The following SMTN variants were observed in gnomAD, a reference collection of about 807,000 sequenced individuals.
The protein encoded by SMTN is smoothelin.
SMTN carries 58 observed loss-of-function variants against 102.0 expected under a neutral mutation model. The ratio of observed to expected loss-of-function variants is 0.57; its 90% CI spans 0.46 to 0.71. SMTN has a LOEUF of 0.71. Among genes scored for constraint, SMTN ranks in the 30% least tolerant of loss-of-function variants. The pLI is 0.00. For synonymous variants in SMTN, 478 were observed against 497.9 expected (o/e 0.96, Z 0.53); for missense variants, 1,185 against 1,241.7 (o/e 0.95, Z 0.69).
chr22:31,085,007 G>A, intron 2 of SMTN: 1 of 1,491,070 alleles, frequency 6.7e-7, no homozygotes, highest in East Asian at 2.6e-5. Context: ...GCGTCTGGCC[G>A]ATTTGGGGAC....
chr22:31,091,873 C>T, intron 11 of SMTN, 26 bp downstream of exon 11: 6 of 1,536,216 alleles, frequency 3.9e-6, no homozygotes, highest in Non-Finnish European at 5.3e-6. Context: ...CCCCACCAGC[C>T]TCACCATCCG....
intron 11 of SMTN, chr22:31,092,415 G>A (rs553046049): frequency 6.4e-6 from 3 of 467,730 alleles, no homozygotes; most frequent in Non-Finnish European, 4.5e-6. Flanking sequence ...AGCCTAGCAG[G>A]TGCCTTGGGA....
intron 2 of SMTN, among the ~76,000 whole-genome samples, chr22:31,086,749 T>C (rs1293739880): frequency 6.6e-6 from 1 of 152,228 alleles, no homozygotes; most frequent in Non-Finnish European, 1.5e-5. Flanking sequence ...GGTCTTCTCA[T>C]AATTCCTCAG....
chr22:31,098,806 A>G lies in SMTN; in HGVS notation c.2299A>G (p.Met767Val), dbSNP rs560404501. ...CTCAGCCTCCCAGGCGCGCAAGGCC[A>G]TGATTGAGAAGCTGGAGAAGGAGGG... ...KTSASQARKA[M>V]IEKLEKEGAA... is the part of the protein sequence containing the mutation. The change falls in exon 17 of 21, where the codon ATG becomes GTG. Residue 767 changes from methionine (M) to valine (V), a missense_variant. By Grantham distance (21) the Met-to-Val change is conservative. Around this residue, in one of 2 missense-constraint regions of SMTN, gnomAD observed 1,096 missense variants for 1,112.7 expected, o/e 0.98. Transcript: ENST00000333137. 1.6e-5 allele frequency: 26 copies of G among 1,612,054 alleles called. No homozygotes were observed. In the East Asian group the frequency reaches 5.6e-4, roughly 35 times the overall value.
At chr22:31,093,592 G>C in intron 11 of SMTN, 1 of 750,400 alleles carries the variant, frequency 1.3e-6, no homozygotes, top group Non-Finnish European at 2.5e-6. Context: ...AGCCACCGTG[G>C]AGCCGGTGGC....
chr22:31,101,448 G>C (rs1288110626), intron 20 of SMTN: 1 of 169,320 alleles, frequency 5.9e-6, no homozygotes, highest in African/African-American at 2.4e-5. Context: ...AGGAAGGGAA[G>C]AAACTTGAGT....
Position 31,091,061 on chromosome 22 carries a change from GCT to G in SMTN, c.1040_1041del (p.Leu347ProfsTer41). On this transcript the variant is annotated frameshift_variant, in exon 10 of 21. Transcript: ENST00000333137. LOFTEE classifies it high-confidence loss of function. Reference sequence around the variant, plus strand: ...CATCTGATTCTCCTATGGCTGCTAGGCTCCAGGATGGCACACCCCAGGCTGCC... The same window carrying G: ...CATCTGATTCTCCTATGGCTGCTAGGCCAGGATGGCACACCCCAGGCTGCC... Reference protein sequence around the residue: ...FTSDSPMAARLQDGTPQAALS... With the variant: ...FTSDSPMAARXQDGTPQAALS... 1 of 1,614,016 alleles carries G rather than the reference GCT, an allele frequency of 6.2e-7. No homozygotes were observed. Among genetic ancestry groups the G allele is most frequent in the Non-Finnish European group, 8.5e-7 (1 of 1,179,980 alleles).
At chr22:31,103,702 A>G (rs2044274359) in intron 20 of SMTN, 1 of 153,062 alleles carries the variant, frequency 6.5e-6, no homozygotes, top group African/African-American at 2.4e-5. Flanking sequence ...TACCCAAGGC[A>G]GGTGATAAGG....
intron 19 of SMTN, 29 bp from the exon 20 acceptor site, chr22:31,100,856 A>ACCCC: frequency 7.9e-6 from 2 of 252,260 alleles, no homozygotes; most frequent in Non-Finnish European, 7.0e-6. Context: ...CCCGTCCCCC[A>ACCCC]CCCCTTCCCG....
At chr22:31,073,118 G>A (rs1267746602) in intron 1 of SMTN, among the ~76,000 whole-genome samples, 7 of 147,890 alleles carry the variant, frequency 4.7e-5, no homozygotes, top group Non-Finnish European at 7.4e-5. Context: ...GAGCTCAAGC[G>A]ATCCTCCTGC....
At chr22:31,079,697 C>A (rs138799165), upstream of SMTN, among the ~76,000 whole-genome samples, 2,454 of 152,310 alleles carry the variant, frequency 0.016, 30 homozygotes, top group Non-Finnish European at 0.026. Flanking sequence ...ATATGTCCTC[C>A]GAAGTGAGCT....
chr22:31,076,007 C>T (rs1444048406), intron 1 of SMTN, among the ~76,000 whole-genome samples: 1 of 146,680 alleles, frequency 6.8e-6, no homozygotes, highest in Non-Finnish European at 1.6e-5. Flanking sequence ...TTATTAGGCC[C>T]GGCGTCCTCA....
At chr22:31,085,020 G>T (rs2042574549) in intron 2 of SMTN, 1 of 1,499,262 alleles carries the variant, frequency 6.7e-7, no homozygotes, top group Non-Finnish European at 8.9e-7. Context: ...TTGGGGACGC[G>T]GGCAGTCGCT....
At chr22:31,076,717 C>A (rs1241723565), upstream of SMTN, among the ~76,000 whole-genome samples, 4 of 152,194 alleles carry the variant, frequency 2.6e-5, no homozygotes, top group East Asian at 7.7e-4. Flanking sequence ...GTCCCTTGTC[C>A]TCTCTGGGAC....
intron 1 of SMTN, among the ~76,000 whole-genome samples, chr22:31,069,390 G>T (rs551917744): frequency 2.0e-5 from 3 of 152,144 alleles, no homozygotes; most frequent in Non-Finnish European, 4.4e-5. Context: ...CCTCCCCAAA[G>T]GAACCCAGAC....
At chr22:31,074,184 T>C (rs1267550743) in intron 1 of SMTN, among the ~76,000 whole-genome samples, 1 of 151,548 alleles carries the variant, frequency 6.6e-6, no homozygotes, top group Non-Finnish European at 1.5e-5. Flanking sequence ...AACCAGGAGT[T>C]TGAGACCAGC....
chr22:31,077,130 G>A (rs1392250824), upstream of SMTN, among the ~76,000 whole-genome samples: 3 of 152,270 alleles, frequency 2.0e-5, no homozygotes, highest in Admixed American at 6.5e-5. Flanking sequence ...TGTTCTGGCC[G>A]GGCGCAGTGG....
upstream of SMTN, among the ~76,000 whole-genome samples, chr22:31,076,848 A>C (rs574923972): frequency 7.2e-5 from 11 of 152,290 alleles, no homozygotes; most frequent in Non-Finnish European, 1.3e-4. Context: ...GGTTGGTAAA[A>C]TATTCATTCT....
intron 1 of SMTN, among the ~76,000 whole-genome samples, chr22:31,069,134 G>T (rs1284583426): frequency 6.6e-6 from 1 of 152,174 alleles, no homozygotes; most frequent in Non-Finnish European, 1.5e-5. Flanking sequence ...AAGACCGGAG[G>T]CGGGGTTTGC....
Sources: gnomAD v4.1 joint callset for allele counts (sites outside exome capture counted in the v4.1 genomes callset) on GRCh38, gnomAD v4.1.1 for gene constraint, gnomAD v4.1.1 regional missense constraint, MANE v1.5 for transcripts, NCBI Gene and HGNC (gene_info 2026-07-23, HGNC 2026-07-21) for gene names.